Variants in ZFP91 observed in about 807,000 individuals in gnomAD.
ZFP91 encodes ZFP91 zinc finger protein, atypical E3 ubiquitin ligase.
A neutral mutation model predicts 63.5 loss-of-function variants in ZFP91; 7 were observed. The ratio of observed to expected loss-of-function variants is 0.11; its 90% CI spans 0.06 to 0.21. ZFP91 has a LOEUF of 0.21. Among genes scored for constraint, ZFP91 ranks in the 10% least tolerant of loss-of-function variants. The pLI is 1.00. For missense variants in ZFP91, 628 were observed against 736.6 expected, an observed-to-expected ratio of 0.85 and a Z score of 1.71; for synonymous variants, 330 against 272.1, an observed-to-expected ratio of 1.21 and a Z score of -2.10.
intron 2 of ZFP91, among the ~76,000 whole-genome samples, chr11:58,588,611 A>C (rs574162221): frequency 6.6e-6 from 1 of 152,222 alleles, no homozygotes; most frequent in African/African-American, 2.4e-5. Flanking sequence ...GTATCCTCTC[A>C]AATCAGTCTC....
intron 2 of ZFP91, among the ~76,000 whole-genome samples, chr11:58,585,465 G>T (rs1023164132): frequency 4.6e-5 from 7 of 152,130 alleles, no homozygotes; most frequent in African/African-American, 1.4e-4. Context: ...TGTTGGACCA[G>T]TTGCTTATTC....
chr11:58,609,740 A>G, intron 2 of ZFP91, 90 bp from the exon 3 acceptor site: 5 of 1,126,312 alleles, frequency 4.4e-6, no homozygotes, highest in Non-Finnish European at 6.4e-6. Context: ...TATTTAATTT[A>G]TCTTCAACTG....
intron 2 of ZFP91, among the ~76,000 whole-genome samples, chr11:58,589,435 AAAC>A (rs902719162): frequency 1.3e-5 from 2 of 152,168 alleles, no homozygotes; most frequent in African/African-American, 2.4e-5. Context: ...TGTAAGTTAA[AAAC>A]AACAACAACA....
intron 2 of ZFP91, among the ~76,000 whole-genome samples, chr11:58,601,499 CT>C (rs780922380): frequency 7.2e-5 from 11 of 152,068 alleles, no homozygotes; most frequent in Non-Finnish European, 1.3e-4. Flanking sequence ...ATTTTGTTAT[CT>C]TGTCAAAGAA....
chr11:58,600,595 A>T (rs1855477081), intron 2 of ZFP91, among the ~76,000 whole-genome samples: 1 of 152,110 alleles, frequency 6.6e-6, no homozygotes, highest in African/African-American at 2.4e-5. Flanking sequence ...AGGTCTTTTC[A>T]CCTGCAAATA....
chr11:58,617,307 A>G lies in ZFP91; in HGVS notation c.1314A>G (p.Lys438=). Residue 438 remains lysine (K), a synonymous_variant, in exon 11 of 11, where the codon AAA becomes AAG. Transcript: ENST00000316059. The surrounding 1 kb of genome is among the most constrained non-coding windows in gnomAD (Gnocchi z 4.2). ...YQFSCNICGK[K]FEKKDSVVAH... Reference sequence around the variant, plus strand: ...TTTCTTGCAATATCTGTGGCAAAAAATTTGAGAAGAAGGACAGCGTAGTGG... The same window carrying G: ...TTTCTTGCAATATCTGTGGCAAAAAGTTTGAGAAGAAGGACAGCGTAGTGG... The G allele has an allele frequency of 6.2e-7, 1 of 1,614,116 alleles. No homozygotes were observed. Among genetic ancestry groups the G allele is most frequent in the Non-Finnish European group, 8.5e-7 (1 of 1,179,992 alleles).
At position 58,609,730 on chromosome 11, in the gene ZFP91, TATTTA is replaced by T. The variant is rs536347802; in HGVS notation, c.371-94_371-90del. On this transcript the variant is annotated intron_variant, in intron 2 of 10. Transcript: ENST00000316059. ...TCTTCAGTTTTTTTTCCTTTGAAAA[TATTTA>T]ATTTATCTTCAACTGTATTTACAAT... is the stretch of plus-strand genomic sequence containing the variant. 16 of 1,063,694 alleles carry T rather than the reference TATTTA, an allele frequency of 1.5e-5. No individual in the cohort carries two copies. In the African/African-American group the frequency reaches 1.9e-4, roughly 13 times the overall value. 65.9% of individuals were successfully genotyped at this position (1,063,694 alleles called of 1,614,324 possible). A position where few individuals can be genotyped will look rare whatever the true frequency, so the allele number is the denominator to read the frequency against.
chr11:58,591,442 T>G (rs1452104522), intron 2 of ZFP91, among the ~76,000 whole-genome samples: 1 of 152,060 alleles, frequency 6.6e-6, no homozygotes, highest in African/African-American at 2.4e-5. Context: ...ATAGTGTTAT[T>G]GGGATGTAAT....
At chr11:58,609,781 T>C (rs779762693) in intron 2 of ZFP91, 49 bp from the exon 3 acceptor site, 1 of 1,518,678 alleles carries the variant, frequency 6.6e-7, no homozygotes, top group Non-Finnish European at 9.1e-7. Context: ...ACAGGGATGG[T>C]TATTGGTTAA....
intron 1 of ZFP91, among the ~76,000 whole-genome samples, chr11:58,581,034 T>C (rs1855104937): frequency 6.6e-6 from 1 of 152,204 alleles, no homozygotes; most frequent in South Asian, 2.1e-4. Flanking sequence ...TTAGTTTCCT[T>C]ACCTATAGAG....
intron 2 of ZFP91, among the ~76,000 whole-genome samples, chr11:58,590,342 C>G (rs1855283095): frequency 6.6e-6 from 1 of 152,162 alleles, no homozygotes; most frequent in South Asian, 2.1e-4. Context: ...CATAACAAAC[C>G]ATCTAAAAAT....
Position 58,619,020 on chromosome 11 carries a change from G to A in ZFP91, c.*1314G>A, listed in dbSNP as rs1855801841. 1 of 200,734 alleles carries A rather than the reference G, an allele frequency of 5.0e-6. No homozygotes were observed. Among genetic ancestry groups the A allele is most frequent in the African/African-American group, 2.4e-5 (1 of 41,654 alleles). 12.4% of individuals were successfully genotyped at this position (200,734 alleles called of 1,614,324 possible). On this transcript the variant is annotated 3_prime_UTR_variant, in exon 11 of 11. Coordinates refer to ENST00000316059, the MANE Select transcript of ZFP91 (RefSeq NM_053023.5). ...GCCCATCTCTGGCTCCTTGCTTTTT[G>A]TTTCTTGCTTTGCTTTATCAGTTCA... is the stretch of plus-strand genomic sequence containing the variant.
chr11:58,614,410 A>G (rs1053004846), intron 9 of ZFP91, 67 bp downstream of exon 9: 6 of 1,174,500 alleles, frequency 5.1e-6, no homozygotes, highest in Non-Finnish European at 6.0e-6. Flanking sequence ...GTTGGTAATG[A>G]TAACGTTTTT....
At chr11:58,612,454 T>C in intron 7 of ZFP91, 126 bp downstream of exon 7, 1 of 871,880 alleles carries the variant, frequency 1.1e-6, no homozygotes, top group Non-Finnish European at 1.8e-6. Context: ...GCAACTTCAC[T>C]AATGTCCTAG....
chr11:58,579,467 C>A lies in ZFP91; in HGVS notation c.186C>A (p.Ala62=). 6.9e-7 allele frequency: 1 copy of A among 1,453,986 alleles called. No individual in the cohort carries two copies. The highest frequency in any genetic ancestry group is 1.4e-5 in the South Asian group (1 of 72,806). 90.1% of individuals were successfully genotyped at this position (1,453,986 alleles called of 1,614,324 possible). A position where few individuals can be genotyped will look rare whatever the true frequency, so the allele number is the denominator to read the frequency against. Residue 62 remains alanine, a synonymous_variant, in exon 1 of 11, where the codon GCC becomes GCA. Transcript: ENST00000316059. ...GGRDRGRAAA[A]AAAAAVSRRR... The stretch of plus-strand genomic sequence containing the variant: ...GGGACCGAGGCCGGGCCGCTGCGGC[C>A]GCCGCCGCCGCAGCTGTGTCCCGCC...
chr11:58,608,063 T>A (rs1427228688), intron 2 of ZFP91, among the ~76,000 whole-genome samples: 1 of 151,636 alleles, frequency 6.6e-6, no homozygotes, highest in Non-Finnish European at 1.5e-5. Flanking sequence ...TTATAGTATG[T>A]AAGATATATA....
In ZFP91 at chr11:58,617,070, T is replaced by TTGTGTGTGTGTGTGTG. The variant is rs143676081; in HGVS notation, c.1203-112_1203-97dup. On this transcript the variant is annotated intron_variant, in intron 10 of 10. Coordinates refer to ENST00000316059, the MANE Select transcript of ZFP91 (RefSeq NM_053023.5). This position sits in a 1 kb window ranked among gnomAD's most constrained non-coding sequence, Gnocchi z 4.2. ...TTCAAAAGAAGTATGTTACTGATTA[T>TTGTGTGTGTGTGTGTG]TGTGTGTGTGTGTGTGTGTGTGTGT... The TTGTGTGTGTGTGTGTG allele has an allele frequency of 2.6e-4, 191 of 740,604 alleles. No homozygotes were observed. The highest frequency in any genetic ancestry group is 2.3e-3 in the South Asian group (115 of 49,012). 45.9% of individuals were successfully genotyped at this position (740,604 alleles called of 1,614,324 possible).
rs374973993 is a variant in ZFP91, at chr11:58,617,070, T to TGTGTGTGTG, written c.1203-126_1203-125insGTGTGTGTG. ...TTCAAAAGAAGTATGTTACTGATTA[T>TGTGTGTGTG]TGTGTGTGTGTGTGTGTGTGTGTGT... On this transcript the variant is annotated intron_variant, in intron 10 of 10. Coordinates refer to ENST00000316059, the MANE Select transcript of ZFP91 (RefSeq NM_053023.5). This position sits in a 1 kb window ranked among gnomAD's most constrained non-coding sequence, Gnocchi z 4.2. 5.4e-6 allele frequency: 4 copies of TGTGTGTGTG among 740,516 alleles called. No homozygotes were observed. The African/African-American group carries it at 5.5e-5, about 10-fold the overall frequency. The allele number at this position is 740,516 out of a possible 1,614,324, so 45.9% of individuals were successfully genotyped here. A position where few individuals can be genotyped will look rare whatever the true frequency, so the allele number is the denominator to read the frequency against.
In ZFP91 at chr11:58,610,251, C is replaced by G. The variant is rs770328605; in HGVS notation, c.581-47C>G. The G allele has an allele frequency of 3.2e-6, 5 of 1,566,368 alleles. No homozygotes were observed. In the South Asian group the frequency reaches 4.7e-5, roughly 15 times the overall value. ...TTTCTTGACTGCAGAGAGAAAATAT[C>G]TTATATCTACACTAATAAAATTTTG... On this transcript the variant is annotated intron_variant, in intron 3 of 10. Transcript: ENST00000316059.
Sources: gnomAD v4.1 joint callset for allele counts (sites outside exome capture counted in the v4.1 genomes callset) on GRCh38, gnomAD v4.1.1 for gene constraint, Gnocchi (gnomAD v3.1) non-coding constraint, MANE v1.5 for transcripts, NCBI Gene and HGNC (gene_info 2026-07-23, HGNC 2026-07-21) for gene names.